Variants in PPARGC1A observed in about 807,000 individuals in gnomAD.
The protein encoded by PPARGC1A is peroxisome proliferator-activated receptor gamma coactivator 1-alpha.
Under a neutral mutation model 88.7 loss-of-function variants are expected in PPARGC1A, and 25 were observed. That is an observed-to-expected ratio of 0.28 (90% CI 0.21 to 0.39). The LOEUF is 0.39. Among genes scored for constraint, PPARGC1A ranks in the 10% least tolerant of loss-of-function variants. The pLI, the probability that PPARGC1A is intolerant of heterozygous loss-of-function variation, is 1.00. For missense variants in PPARGC1A, 880 were observed against 968.7 expected, an observed-to-expected ratio of 0.91 and a Z score of 1.22; for synonymous variants, 363 against 355.6, an observed-to-expected ratio of 1.02 and a Z score of -0.24.
chr4:24,353,150 A>G, the PPARGC1A span, among the ~76,000 whole-genome samples: 4 of 151,576 alleles, frequency 2.6e-5, no homozygotes, highest in African/African-American at 9.7e-5. Context: ...ATGCAGTAGA[A>G]TCTGCAAAGC....
At chr4:24,149,437 A>C in the PPARGC1A span, among the ~76,000 whole-genome samples, 2 of 152,158 alleles carry the variant, frequency 1.3e-5, no homozygotes, top group Non-Finnish European at 2.9e-5. Context: ...TTGGCAGTGA[A>C]AAGACACAAC....
the PPARGC1A span, among the ~76,000 whole-genome samples, chr4:24,117,890 C>T: frequency 3.9e-5 from 6 of 152,260 alleles, no homozygotes; most frequent in East Asian, 1.2e-3. Flanking sequence ...ACAAAAGTCC[C>T]TACTTTGTCA....
chr4:24,347,285 G>A, the PPARGC1A span, among the ~76,000 whole-genome samples: 43 of 146,178 alleles, frequency 2.9e-4, 1 homozygote, highest in East Asian at 7.9e-3. Flanking sequence ...AAGGCCATTT[G>A]TTCCAAGATA....
the PPARGC1A span, among the ~76,000 whole-genome samples, chr4:24,128,498 C>T: frequency 6.6e-6 from 1 of 151,078 alleles, no homozygotes; most frequent in Admixed American, 6.6e-5. Context: ...GATGTCAGCT[C>T]CCAGGGCTGA....
chr4:23,996,519 G>A, the PPARGC1A span, among the ~76,000 whole-genome samples: 1 of 152,070 alleles, frequency 6.6e-6, no homozygotes, highest in Admixed American at 6.6e-5. Flanking sequence ...CATCTCACAG[G>A]GCCTGGCTGG....
At chr4:24,177,108 C>T in the PPARGC1A span, among the ~76,000 whole-genome samples, 3 of 152,194 alleles carry the variant, frequency 2.0e-5, no homozygotes, top group African/African-American at 7.2e-5. Flanking sequence ...CCAGCAATCC[C>T]ATTACTGGGT....
chr4:24,109,745 C>A, the PPARGC1A span, among the ~76,000 whole-genome samples: 13 of 152,140 alleles, frequency 8.5e-5, no homozygotes, highest in Non-Finnish European at 1.9e-4. Context: ...TCCTAGGCTT[C>A]CCCATGGTTG....
the PPARGC1A span, among the ~76,000 whole-genome samples, chr4:23,917,727 G>T: frequency 1.3e-5 from 2 of 152,144 alleles, no homozygotes; most frequent in African/African-American, 4.8e-5. Context: ...GTGAAGCCCC[G>T]ATCTTATGTA....
At chr4:24,104,508 C>T in the PPARGC1A span, among the ~76,000 whole-genome samples, 1 of 152,088 alleles carries the variant, frequency 6.6e-6, no homozygotes, top group African/African-American at 2.4e-5. Context: ...CCAGGCAAAG[C>T]AAAGGGAGAA....
chr4:24,172,064 G>C, the PPARGC1A span, among the ~76,000 whole-genome samples: 1 of 152,120 alleles, frequency 6.6e-6, no homozygotes. Context: ...AGAGGCAGGA[G>C]AACAGCCTCC....
At chr4:24,290,116 T>C in the PPARGC1A span, among the ~76,000 whole-genome samples, 1 of 152,126 alleles carries the variant, frequency 6.6e-6, no homozygotes, top group African/African-American at 2.4e-5. Flanking sequence ...TTACCTCCCA[T>C]AGGATCCCTC....
the PPARGC1A span, among the ~76,000 whole-genome samples, chr4:24,113,242 C>T: frequency 2.6e-5 from 4 of 151,656 alleles, no homozygotes; most frequent in African/African-American, 7.3e-5. Flanking sequence ...ATGCTTCACA[C>T]GTTCAGTAGG....
chr4:23,921,492 C>T, the PPARGC1A span, among the ~76,000 whole-genome samples: 1 of 152,232 alleles, frequency 6.6e-6, no homozygotes, highest in African/African-American at 2.4e-5. Flanking sequence ...ATGCACTACA[C>T]AGCAGACATC....
At chr4:23,959,078 G>A in the PPARGC1A span, among the ~76,000 whole-genome samples, 12 of 151,612 alleles carry the variant, frequency 7.9e-5, no homozygotes, top group East Asian at 2.3e-3. Context: ...TGAATTCTAT[G>A]CTCAGTTCTG....
the PPARGC1A span, among the ~76,000 whole-genome samples, chr4:23,980,472 C>T: frequency 6.6e-6 from 1 of 152,122 alleles, no homozygotes; most frequent in African/African-American, 2.4e-5. Flanking sequence ...CTTTTGGTCA[C>T]TCTACTTAAC....
At chr4:24,278,600 T>C in the PPARGC1A span, among the ~76,000 whole-genome samples, 6 of 152,158 alleles carry the variant, frequency 3.9e-5, no homozygotes, top group Non-Finnish European at 5.9e-5. Flanking sequence ...CCTTCTGTTT[T>C]TCATGATTTT....
At chr4:24,232,240 G>C in the PPARGC1A span, among the ~76,000 whole-genome samples, 1 of 152,158 alleles carries the variant, frequency 6.6e-6, no homozygotes, top group Non-Finnish European at 1.5e-5. Flanking sequence ...AAAAATCCTG[G>C]AGCAGAATCA....
chr4:24,143,308 A>G, the PPARGC1A span, among the ~76,000 whole-genome samples: 90 of 152,122 alleles, frequency 5.9e-4, no homozygotes, highest in African/African-American at 2.1e-3. Context: ...TGACCTTCCA[A>G]TAGGGGAGGG....
the PPARGC1A span, among the ~76,000 whole-genome samples, chr4:24,463,016 C>T: frequency 6.6e-6 from 1 of 151,956 alleles, no homozygotes; most frequent in Non-Finnish European, 1.5e-5. Context: ...ACAAGCCCGC[C>T]AACTTCTAGA....
Sources: allele counts gnomAD v4.1 joint callset (sites outside exome capture counted in the v4.1 genomes callset), GRCh38; gene constraint gnomAD v4.1.1; transcripts MANE v1.5; gene names NCBI Gene and HGNC (gene_info 2026-07-23, HGNC 2026-07-21).